The following EIF4G3 variants were observed in gnomAD, a reference collection of about 807,000 sequenced individuals.
EIF4G3 encodes eukaryotic translation initiation factor 4 gamma 3.
A neutral mutation model predicts 186.4 loss-of-function variants in EIF4G3; 34 were observed. The observed-to-expected ratio is 0.18, with a 90% CI of 0.14 to 0.24. EIF4G3 has a LOEUF of 0.24. EIF4G3 is among the 10% of genes least tolerant of loss of function. The pLI, the probability that EIF4G3 is intolerant of heterozygous loss-of-function variation, is 1.00. For missense variants in EIF4G3, 1,536 were observed against 1,948.5 expected (o/e 0.79, Z 3.99); for synonymous variants, 673 against 679.5 (o/e 0.99, Z 0.15).
At position 21,153,837 on chromosome 1, in the gene EIF4G3, T is replaced by C. The variant is rs543169314; in HGVS notation, c.-272+22338A>G. On this transcript the variant is annotated intron_variant, in intron 2 of 36. Transcript: ENST00000602326. The stretch of plus-strand genomic sequence containing the variant: ...TCCTTGGCCTCCCAAAGTGCTGGGA[T>C]TATAGGCGTGAGCCACCGAGACCGG... 7.9e-4 allele frequency among the ~76,000 whole-genome samples: 118 copies of C among 148,810 alleles called. 1 individual carries two copies. The highest frequency in any genetic ancestry group is 8.1e-4 in the Non-Finnish European group (54 of 66,674).
intron 32 of EIF4G3, among the ~76,000 whole-genome samples, chr1:20,825,928 AG>A (rs1265216820): frequency 6.6e-6 from 1 of 152,226 alleles, no homozygotes; most frequent in Non-Finnish European, 1.5e-5. Context: ...CTCTACCTGA[AG>A]AAAGTTACAG....
intron 13 of EIF4G3, among the ~76,000 whole-genome samples, chr1:20,948,388 A>G (rs1022327094): frequency 6.6e-6 from 1 of 152,180 alleles, no homozygotes; most frequent in African/African-American, 2.4e-5. Context: ...TTGCTGAAAG[A>G]AGTTCTTGAC....
intron 18 of EIF4G3, chr1:20,893,184 G>T (rs1572321083): frequency 5.5e-6 from 1 of 182,784 alleles, no homozygotes; most frequent in East Asian, 1.3e-4. Context: ...CTCCTGCCTT[G>T]ACCCCACAAA....
intron 35 of EIF4G3, among the ~76,000 whole-genome samples, chr1:20,811,362 C>T (rs1200787999): frequency 6.6e-6 from 1 of 152,176 alleles, no homozygotes; most frequent in Non-Finnish European, 1.5e-5. Context: ...ATCCTTCTGC[C>T]TTGGCCTCCC....
At chr1:20,960,808 C>T (rs555220431) in intron 12 of EIF4G3, among the ~76,000 whole-genome samples, 59 of 151,970 alleles carry the variant, frequency 3.9e-4, no homozygotes, top group Non-Finnish European at 6.8e-4. Context: ...ACAGAAGGCA[C>T]GATTAACAAA....
At position 21,050,954 on chromosome 1, in the gene EIF4G3, G is replaced by T; in HGVS notation, c.-155C>A. ...GTTTATTTCATGTGCTGAATAAGGG[G>T]ATGGGGTAGGGGTTCCCGGCTGTCT... is the stretch of plus-strand genomic sequence containing the variant. On this transcript the variant is annotated 5_prime_UTR_variant, in exon 4 of 37. Coordinates refer to ENST00000602326, the MANE Select transcript of EIF4G3 (RefSeq NM_001391906.1). 1 of 717,266 alleles carries T rather than the reference G, an allele frequency of 1.4e-6. No individual in the cohort carries two copies. The highest frequency in any genetic ancestry group is 1.5e-5 in the South Asian group (1 of 67,536). 44.4% of individuals were successfully genotyped at this position (717,266 alleles called of 1,614,324 possible). A position where few individuals can be genotyped will look rare whatever the true frequency, so the allele number is the denominator to read the frequency against.
intron 14 of EIF4G3, among the ~76,000 whole-genome samples, chr1:20,906,881 TCTC>T (rs1171837546): frequency 4.6e-5 from 7 of 151,920 alleles, no homozygotes; most frequent in African/African-American, 1.4e-4. Context: ...ATATATCCCT[TCTC>T]CTACAATTAC....
chr1:20,871,644 T>C (rs771159202), intron 20 of EIF4G3, among the ~76,000 whole-genome samples: 17 of 152,244 alleles, frequency 1.1e-4, no homozygotes, highest in Admixed American at 3.9e-4. Context: ...CTTTCCTGTC[T>C]GACTTCACAG....
chr1:21,010,820 G>T (rs4654732), intron 4 of EIF4G3, among the ~76,000 whole-genome samples: 41,361 of 152,086 alleles, frequency 0.27, 6,723 homozygotes, highest in East Asian at 0.4. Context: ...TAAAACGCTG[G>T]AGACAGTGAC....
At chr1:21,082,074 G>A (rs140734860) in intron 3 of EIF4G3, among the ~76,000 whole-genome samples, 31 of 151,382 alleles carry the variant, frequency 2.0e-4, no homozygotes, top group Admixed American at 8.6e-4. Flanking sequence ...AGGATGACAA[G>A]TGTGAGCCAC....
rs766597088 is a variant in EIF4G3 at position 20,860,481 on chromosome 1, T to C, written c.3148A>G (p.Lys1050Glu). ...WVSRRADQGP[K>E]TIEQIHKEAK... ...TCTTTGTGAATCTGTTCGATAGTTT[T>C]AGGCCCTTGATCTGCTCTTCGAGAT... Residue 1050 changes from lysine (K) to glutamate (E), a missense_variant, in exon 24 of 37, where the codon AAA becomes GAA. By Grantham distance (56) the Lys-to-Glu change is moderately conservative (BLOSUM62 1). Transcript: ENST00000602326. 6.2e-7 allele frequency: 1 copy of C among 1,614,116 alleles called. No individual in the cohort carries two copies.
At chr1:21,036,259 GC>G (rs2154572365) in intron 4 of EIF4G3, among the ~76,000 whole-genome samples, 1 of 152,190 alleles carries the variant, frequency 6.6e-6, no homozygotes, top group Admixed American at 6.5e-5. Flanking sequence ...AAGATGACCT[GC>G]CTACAGAGAG....
intron 3 of EIF4G3, among the ~76,000 whole-genome samples, chr1:21,070,450 T>C (rs2095409289): frequency 6.6e-6 from 1 of 152,172 alleles, no homozygotes; most frequent in African/African-American, 2.4e-5. Context: ...TAATAAATAT[T>C]CAATGACATG....
chr1:21,078,026 T>C (rs924965678), intron 3 of EIF4G3, among the ~76,000 whole-genome samples: 1 of 152,170 alleles, frequency 6.6e-6, no homozygotes. Context: ...AGATCTACCA[T>C]ATGATCCAGC....
rs762382302 is a variant in EIF4G3, at chr1:20,953,161, T to C, written c.715-3050A>G. 1.1e-4 allele frequency among the ~76,000 whole-genome samples: 17 copies of C among 152,230 alleles called. No homozygotes were observed. In the South Asian group the frequency reaches 2.5e-3, roughly 22 times the overall value. On this transcript the variant is annotated intron_variant, in intron 12 of 36. Coordinates refer to ENST00000602326, the MANE Select transcript of EIF4G3 (RefSeq NM_001391906.1). The stretch of plus-strand genomic sequence containing the variant: ...TCTGGAAAGGCAATCACTACCAAAA[T>C]ATAAAATAACTCAATAAAGATGCTA...
intron 3 of EIF4G3, among the ~76,000 whole-genome samples, chr1:21,080,571 G>A (rs760918579): frequency 8.5e-5 from 13 of 152,114 alleles, no homozygotes; most frequent in Non-Finnish European, 1.6e-4. Context: ...GTGCAATGGC[G>A]CCATCTCAGC....
chr1:20,899,647 G>T (rs1572410258), intron 16 of EIF4G3, 50 bp downstream of exon 16: 1 of 1,594,864 alleles, frequency 6.3e-7, no homozygotes, highest in African/African-American at 1.3e-5. Flanking sequence ...TTTCTCTAAG[G>T]TTGCAGTAGA....
chr1:21,079,688 G>GAA (rs778131545), intron 3 of EIF4G3, among the ~76,000 whole-genome samples: 15 of 104,900 alleles, frequency 1.4e-4, no homozygotes, highest in Non-Finnish European at 1.4e-4. Context: ...TGTCGCAAAA[G>GAA]AAAAAAAAAA....
chr1:20,812,522 T>G (rs1320060423), intron 35 of EIF4G3, among the ~76,000 whole-genome samples: 1 of 152,202 alleles, frequency 6.6e-6, no homozygotes. Flanking sequence ...ACCTTTGCAC[T>G]GATGAATTTT....
Sources: allele counts gnomAD v4.1 joint callset (sites outside exome capture counted in the v4.1 genomes callset), GRCh38; gene constraint gnomAD v4.1.1; transcripts MANE v1.5; gene names NCBI Gene and HGNC (gene_info 2026-07-23, HGNC 2026-07-21).